The following GALNT14 variants were observed in gnomAD, a reference collection of about 807,000 sequenced individuals.
The protein encoded by GALNT14 is polypeptide N-acetylgalactosaminyltransferase 14, also known as UDP-GalNAc:polypeptide N-acetylgalactosaminyltransferase 14.
GALNT14 carries 60 observed loss-of-function variants against 77.5 expected under a neutral mutation model. That is an observed-to-expected ratio of 0.77 (90% confidence interval 0.63 to 0.96). GALNT14 has a LOEUF of 0.96. GALNT14 is among the 40% of genes least tolerant of loss of function. The pLI is 0.00. For synonymous variants in GALNT14, 280 were observed against 281.7 expected (o/e 0.99, Z 0.06); for missense variants, 710 against 731.0 (o/e 0.97, Z 0.33).
chr2:30,892,507 A>T, the GALNT14 span, among the ~76,000 whole-genome samples: 1 of 152,212 alleles, frequency 6.6e-6, no homozygotes, highest in African/African-American at 2.4e-5. Flanking sequence ...GCAATTTATT[A>T]TGTCTTGTGC....
chr2:31,123,400 C>A (rs546981439), intron 1 of GALNT14, among the ~76,000 whole-genome samples: 1 of 152,090 alleles, frequency 6.6e-6, no homozygotes, highest in African/African-American at 2.4e-5. Flanking sequence ...GTGCCCAAAA[C>A]GTATAGAACC....
chr2:31,046,504 G>A (rs1275344268), intron 1 of GALNT14, among the ~76,000 whole-genome samples: 3 of 152,158 alleles, frequency 2.0e-5, no homozygotes, highest in Non-Finnish European at 4.4e-5. Context: ...CTGGGATTAC[G>A]GGCGTGAGCC....
chr2:31,096,385 A>G (rs1210126928), intron 1 of GALNT14, among the ~76,000 whole-genome samples: 1 of 152,128 alleles, frequency 6.6e-6, no homozygotes, highest in African/African-American at 2.4e-5. Context: ...ATTTTCCCCT[A>G]CTAGCTAAGC....
chr2:31,129,672 G>C, intron 1 of GALNT14: 1 of 985,124 alleles, frequency 1.0e-6, no homozygotes, highest in Non-Finnish European at 1.2e-6. Context: ...TTGCAGCTGC[G>C]AGAGATGGGC....
chr2:31,072,567 T>C (rs1675484431), intron 1 of GALNT14, among the ~76,000 whole-genome samples: 1 of 152,114 alleles, frequency 6.6e-6, no homozygotes, highest in Non-Finnish European at 1.5e-5. Flanking sequence ...CTAGACTTAC[T>C]GCCTTACAAC....
chr2:30,907,114 T>C (rs1021335976), downstream of GALNT14, among the ~76,000 whole-genome samples: 7 of 151,932 alleles, frequency 4.6e-5, no homozygotes, highest in African/African-American at 1.7e-4. Flanking sequence ...GCAGGAAAGA[T>C]CCAAAATTGA....
At position 30,968,805 on chromosome 2, in the gene GALNT14, A is replaced by G. The variant is rs535063163; in HGVS notation, c.300-2503T>C. Among the ~76,000 whole-genome samples, 31 of 152,370 alleles carry G rather than the reference A, an allele frequency of 2.0e-4. 1 individual carries two copies. In the South Asian group the frequency reaches 6.2e-3, roughly 31 times the overall value. ...TCAGGAGTGATTTGTTGTACATTAG[A>G]TAAGCAGTAGAAAAAGGGAAGGAGA... On this transcript the variant is annotated intron_variant, in intron 2 of 14. Transcript: ENST00000349752.
chr2:31,128,821 T>G (rs1252340653), intron 1 of GALNT14, among the ~76,000 whole-genome samples: 1 of 152,202 alleles, frequency 6.6e-6, no homozygotes, highest in Non-Finnish European at 1.5e-5. Context: ...GGACTGGCCC[T>G]GACTGGCCCA....
At chr2:30,938,359 T>TACAGAC (rs1553339825) in intron 9 of GALNT14, among the ~76,000 whole-genome samples, 1 of 140,882 alleles carries the variant, frequency 7.1e-6, no homozygotes, top group Non-Finnish European at 1.5e-5. Flanking sequence ...AGATTCCTTT[T>TACAGAC]ACACACACAC....
chr2:31,098,427 G>T (rs1677100448), intron 1 of GALNT14, among the ~76,000 whole-genome samples: 1 of 152,128 alleles, frequency 6.6e-6, no homozygotes, highest in Non-Finnish European at 1.5e-5. Context: ...GACTATGTCA[G>T]AATCCTATTA....
chr2:30,994,580 C>T (rs765673358), intron 1 of GALNT14, among the ~76,000 whole-genome samples: 5 of 152,178 alleles, frequency 3.3e-5, no homozygotes, highest in African/African-American at 4.8e-5. Context: ...TGTGATACTG[C>T]GGCTACAGAA....
the GALNT14 span, among the ~76,000 whole-genome samples, chr2:30,890,644 G>A: frequency 6.6e-6 from 1 of 152,186 alleles, no homozygotes; most frequent in Admixed American, 6.5e-5. Context: ...ATACAAAGAT[G>A]CTCTCCCACT....
chr2:31,050,846 T>C (rs1319216121), intron 1 of GALNT14, among the ~76,000 whole-genome samples: 1 of 151,086 alleles, frequency 6.6e-6, no homozygotes, highest in Non-Finnish European at 1.5e-5. Context: ...CTGTTGGCAT[T>C]TGGGGATAGC....
At chr2:30,934,777 A>G (rs1665953449) in intron 9 of GALNT14, among the ~76,000 whole-genome samples, 1 of 152,020 alleles carries the variant, frequency 6.6e-6, no homozygotes. Flanking sequence ...CATTTTCCTG[A>G]CACTGCTGTC....
intron 6 of GALNT14, among the ~76,000 whole-genome samples, chr2:30,947,391 T>A (rs906560898): frequency 6.6e-6 from 1 of 152,182 alleles, no homozygotes; most frequent in Non-Finnish European, 1.5e-5. Flanking sequence ...ATCTACGGCA[T>A]CAAAATCATG....
At chr2:31,031,240 C>T (rs1672391138) in intron 1 of GALNT14, among the ~76,000 whole-genome samples, 1 of 152,072 alleles carries the variant, frequency 6.6e-6, no homozygotes, top group East Asian at 1.9e-4. Context: ...TGTCAGGTCA[C>T]CCCAGAGAAC....
At chr2:31,056,020 T>C (rs1674187188) in intron 1 of GALNT14, among the ~76,000 whole-genome samples, 1 of 152,202 alleles carries the variant, frequency 6.6e-6, no homozygotes, top group South Asian at 2.1e-4. Flanking sequence ...TCGAGTCAAA[T>C]TAAAAGTCCC....
chr2:31,125,320 TCA>T (rs1359847150), intron 1 of GALNT14: 1 of 1,147,380 alleles, frequency 8.7e-7, no homozygotes, highest in Non-Finnish European at 1.3e-6. Flanking sequence ...AGCATTGATT[TCA>T]CAGAGATCTT....
chr2:30,998,939 T>C (rs2148416655), intron 1 of GALNT14, among the ~76,000 whole-genome samples: 1 of 152,368 alleles, frequency 6.6e-6, no homozygotes, highest in Middle Eastern at 3.4e-3. Context: ...AAAGGATGTC[T>C]GCACTCCCTT....
Sources: gnomAD v4.1 joint callset for allele counts (sites outside exome capture counted in the v4.1 genomes callset) on GRCh38, gnomAD v4.1.1 for gene constraint, MANE v1.5 for transcripts, NCBI Gene and HGNC (gene_info 2026-07-23, HGNC 2026-07-21) for gene names.